The following SYT14 variants were observed in gnomAD, a reference collection of about 807,000 sequenced individuals.
SYT14 encodes synaptotagmin-14.
Under a neutral mutation model 74.2 loss-of-function variants are expected in SYT14, and 32 were observed. That is an observed-to-expected ratio of 0.43 (90% confidence interval 0.33 to 0.58). SYT14 has a LOEUF of 0.58. Among genes scored for constraint, SYT14 ranks in the 20% least tolerant of loss-of-function variants. The pLI is 0.05. For missense variants in SYT14, 791 were observed against 981.8 expected, an observed-to-expected ratio of 0.81 and a Z score of 2.60; for synonymous variants, 298 against 337.7, an observed-to-expected ratio of 0.88 and a Z score of 1.29.
At chr1:209,964,456 C>G (rs915156724) in intron 2 of SYT14, among the ~76,000 whole-genome samples, 1 of 152,108 alleles carries the variant, frequency 6.6e-6, no homozygotes, top group Non-Finnish European at 1.5e-5. Flanking sequence ...ACCACTATTA[C>G]ACTGCTTTTA....
At chr1:210,057,096 C>T (rs2102399608) in intron 5 of SYT14, among the ~76,000 whole-genome samples, 2 of 152,186 alleles carry the variant, frequency 1.3e-5, no homozygotes, top group Admixed American at 1.3e-4. Context: ...CTGCCTTCCT[C>T]GGCCTCCCAA....
intron 7 of SYT14, among the ~76,000 whole-genome samples, chr1:210,116,950 T>C (rs946242222): frequency 6.6e-6 from 1 of 152,214 alleles, no homozygotes; most frequent in Non-Finnish European, 1.5e-5. Context: ...TAAGAATCTT[T>C]TATAACCTGG....
At chr1:210,028,743 A>G (rs1295594099) in intron 5 of SYT14, among the ~76,000 whole-genome samples, 2 of 152,158 alleles carry the variant, frequency 1.3e-5, no homozygotes, top group Admixed American at 1.3e-4. Context: ...TGGGTGTACA[A>G]ATATCTCTTT....
At position 210,124,871 on chromosome 1, in the gene SYT14, G is replaced by GT. The variant is rs112721112; in HGVS notation, c.2034+24421dup. 3.1e-3 allele frequency among the ~76,000 whole-genome samples: 455 copies of GT among 146,038 alleles called. 1 individual carries two copies. Among genetic ancestry groups the GT allele is most frequent in the African/African-American group, 6.9e-3 (274 of 39,972 alleles). On this transcript the variant is annotated intron_variant, in intron 7 of 9. Coordinates refer to ENST00000637265, the Ensembl canonical transcript of SYT14. ...AGCCCTTTCTAGTTTTTTTTGTGTG[G>GT]TTTTTTTTTTTCCTGTACTTCAAGA...
chr1:210,085,101 TAAC>T (rs2081696158), intron 5 of SYT14, among the ~76,000 whole-genome samples: 1 of 152,182 alleles, frequency 6.6e-6, no homozygotes, highest in African/African-American at 2.4e-5. Context: ...ACTGGAAAAA[TAAC>T]AACAATGTCA....
intron 5 of SYT14, among the ~76,000 whole-genome samples, chr1:210,024,228 G>A (rs903538172): frequency 6.6e-6 from 1 of 152,198 alleles, no homozygotes; most frequent in Non-Finnish European, 1.5e-5. Flanking sequence ...ACCATAATCA[G>A]GGTTGTGCTT....
intron 5 of SYT14, among the ~76,000 whole-genome samples, chr1:210,069,817 C>CT (rs1422644570): frequency 1.8e-4 from 27 of 149,800 alleles, no homozygotes; most frequent in Non-Finnish European, 5.9e-5. Context: ...TCTGTTATAC[C>CT]TTTTTTTTTG....
intron 5 of SYT14, among the ~76,000 whole-genome samples, chr1:210,059,439 T>TAGAG (rs1394279839): frequency 7.5e-5 from 7 of 92,770 alleles, no homozygotes; most frequent in East Asian, 5.6e-4. Flanking sequence ...TATATATATA[T>TAGAG]ATATATATAT....
At chr1:210,002,941 T>A (rs1428175929) in intron 2 of SYT14, among the ~76,000 whole-genome samples, 1 of 152,194 alleles carries the variant, frequency 6.6e-6, no homozygotes, top group African/African-American at 2.4e-5. Context: ...TAAATTTTAA[T>A]GTAATAAAAT....
intron 5 of SYT14, among the ~76,000 whole-genome samples, chr1:210,058,641 G>C (rs151013552): frequency 6.6e-6 from 1 of 152,112 alleles, no homozygotes; most frequent in East Asian, 1.9e-4. Context: ...AATTATCTGC[G>C]TAATTTATGA....
rs561193080 is a variant in SYT14, at chr1:209,996,055, T to G, written c.-485-17578T>G. On this transcript the variant is annotated intron_variant, in intron 2 of 9. Coordinates refer to ENST00000637265, the Ensembl canonical transcript of SYT14. ...AGATCTCAAATGAGCAATCTACCCT[T>G]GCACCTAAAGGAACTAGAAAAGAAG... 2.6e-5 allele frequency among the ~76,000 whole-genome samples: 4 copies of G among 152,052 alleles called. No individual in the cohort carries two copies. In the East Asian group the frequency reaches 7.7e-4, roughly 29 times the overall value.
chr1:210,164,646 T>C (rs1442416825), exon 10 of SYT14: 1 of 152,136 alleles, frequency 6.6e-6, no homozygotes, highest in East Asian at 1.9e-4. Context: ...CACCACCAAG[T>C]ATTTTTCAAG....
At chr1:210,168,051 G>C (rs905475202) in exon 10 of SYT14, 1 of 123,274 alleles carries the variant, frequency 8.1e-6, no homozygotes, top group Non-Finnish European at 1.7e-5. Flanking sequence ...TAGCATGTTT[G>C]TTGTTGCTGT....
chr1:209,938,693 G>C (rs981034108), intron 1 of SYT14, among the ~76,000 whole-genome samples: 3 of 151,634 alleles, frequency 2.0e-5, no homozygotes, highest in African/African-American at 7.3e-5. Context: ...CCCCGGCCGC[G>C]GCAAACCATC....
intron 5 of SYT14, among the ~76,000 whole-genome samples, chr1:210,079,768 C>G (rs1317565798): frequency 6.6e-6 from 1 of 152,140 alleles, no homozygotes; most frequent in Non-Finnish European, 1.5e-5. Flanking sequence ...GAGGAAATAC[C>G]TATGAAGACC....
intron 2 of SYT14, among the ~76,000 whole-genome samples, chr1:209,987,987 T>A (rs2079600231): frequency 6.6e-6 from 1 of 152,194 alleles, no homozygotes; most frequent in African/African-American, 2.4e-5. Context: ...CTGCTTTTGG[T>A]GATAGTTTTC....
exon 10 of SYT14, chr1:210,169,221 G>GTTTTGTTTTTTTTTTT (rs2083492384): frequency 4.0e-5 from 2 of 50,248 alleles, no homozygotes; most frequent in African/African-American, 1.6e-4. Flanking sequence ...TGTTTTTGGT[G>GTTTTGTTTTTTTTTTT]TTTTTTTTTT....
At chr1:210,161,972 A>G (rs2083382224) in exon 10 of SYT14, 1 of 453,750 alleles carries the variant, frequency 2.2e-6, no homozygotes, top group Admixed American at 2.4e-5. Flanking sequence ...ATGGAAAACA[A>G]TTCAATTTTA....
chr1:210,099,818 A>T (rs914493970), intron 6 of SYT14, among the ~76,000 whole-genome samples, 194 bp from the exon 6 acceptor site: 1 of 152,196 alleles, frequency 6.6e-6, no homozygotes, highest in African/African-American at 2.4e-5. Context: ...TAAGTTTTGA[A>T]TTTAACTTAC....
Sources: allele counts gnomAD v4.1 joint callset (sites outside exome capture counted in the v4.1 genomes callset), GRCh38; gene constraint gnomAD v4.1.1; transcripts MANE v1.5; gene names NCBI Gene and HGNC (gene_info 2026-07-23, HGNC 2026-07-21).